Variants in TBC1D1 observed in about 807,000 individuals in gnomAD.
The protein encoded by TBC1D1 is TBC1 (tre-2/USP6, BUB2, cdc16) domain family, member 1.
Under a neutral mutation model 125.6 loss-of-function variants are expected in TBC1D1, and 89 were observed. That is an observed-to-expected ratio of 0.71 (90% CI 0.60 to 0.85). TBC1D1 has a LOEUF of 0.85. Ranked by LOEUF, TBC1D1 falls within the 40% of genes least tolerant of loss-of-function variation. The probability of loss-of-function intolerance (pLI) is 0.00; values close to 1 mark genes in which losing one functional copy is unlikely to be tolerated. For missense variants in TBC1D1, 1,377 were observed against 1,469.2 expected, an observed-to-expected ratio of 0.94 and a Z score of 1.03; for synonymous variants, 565 against 564.1, an observed-to-expected ratio of 1.00 and a Z score of -0.02.
intron 15 of TBC1D1, 73 bp from the exon 18 acceptor site, chr4:38,115,636 AC>A: frequency 6.7e-7 from 1 of 1,499,058 alleles, no homozygotes; most frequent in Non-Finnish European, 9.0e-7. Flanking sequence ...AATCTGAAGC[AC>A]ATTGGATTTC....
chr4:38,109,078 T>C (rs16994230), intron 15 of TBC1D1, among the ~76,000 whole-genome samples: 7,839 of 152,244 alleles, frequency 0.051, 496 homozygotes, highest in African/African-American at 0.15. Flanking sequence ...ATCTTTGAGT[T>C]GAAGTCCTGT....
chr4:38,087,158 A>G (rs1757623940), intron 12 of TBC1D1, among the ~76,000 whole-genome samples: 2 of 152,258 alleles, frequency 1.3e-5, no homozygotes, highest in Admixed American at 1.3e-4. Flanking sequence ...AATAAGAAAA[A>G]GATCACAAAA....
chr4:37,990,548 T>C (rs1371416078), intron 2 of TBC1D1, among the ~76,000 whole-genome samples: 1 of 152,194 alleles, frequency 6.6e-6, no homozygotes, highest in African/African-American at 2.4e-5. Flanking sequence ...AAGCATGAAA[T>C]ATTGCTAGTA....
chr4:38,033,051 C>T lies in TBC1D1; in HGVS notation c.1303-2537C>T, dbSNP rs548807664. ...GTATGATGTTTAACAAGCTCCATGA[C>T]GCAGTCTCTGATTCTTAATCAGTTT... On this transcript the variant is annotated intron_variant, in intron 7 of 19. Transcript: ENST00000261439. Among the ~76,000 whole-genome samples, 5 of 152,252 alleles carry T rather than the reference C, an allele frequency of 3.3e-5. No individual in the cohort carries two copies. In the South Asian group the frequency reaches 6.2e-4, roughly 19 times the overall value.
chr4:38,084,926 C>T (rs1005483547), intron 12 of TBC1D1, among the ~76,000 whole-genome samples: 5 of 152,164 alleles, frequency 3.3e-5, no homozygotes, highest in Non-Finnish European at 5.9e-5. Flanking sequence ...AGGAGAACTG[C>T]AGTTCAGAAC....
rs74385778 is a variant in TBC1D1 at position 37,920,040 on chromosome 4, G to A, written c.417+17528G>A. ...AGGCAGGAGAATGGCGTGAACCGGT[G>A]AGGCGGAGCTTGCAGTGAGCCGAGA... On this transcript the variant is annotated intron_variant, in intron 2 of 19. Transcript: ENST00000261439. 0.026 allele frequency among the ~76,000 whole-genome samples: 3,900 copies of A among 152,322 alleles called. 454 individuals are homozygous for A. The East Asian group carries it at 0.35, about 14-fold the overall frequency.
chr4:37,937,090 G>A (rs1724548780), intron 2 of TBC1D1, among the ~76,000 whole-genome samples: 1 of 152,182 alleles, frequency 6.6e-6, no homozygotes, highest in Non-Finnish European at 1.5e-5. Context: ...AGGGCAACAC[G>A]CTGGCACTGC....
chr4:37,973,991 C>T (rs1273226110), intron 2 of TBC1D1, among the ~76,000 whole-genome samples: 1 of 152,152 alleles, frequency 6.6e-6, no homozygotes, highest in Non-Finnish European at 1.5e-5. Context: ...GTGGACCACA[C>T]CTTGAATAGT....
At chr4:37,960,822 C>A (rs772147147) in intron 2 of TBC1D1, 4 of 1,614,094 alleles carry the variant, frequency 2.5e-6, no homozygotes, top group Non-Finnish European at 3.4e-6. Flanking sequence ...GAGTTTTGAC[C>A]TGCCTGAAGA....
intron 2 of TBC1D1, among the ~76,000 whole-genome samples, chr4:37,982,239 A>G (rs542107245): frequency 1.9e-4 from 29 of 152,322 alleles, no homozygotes; most frequent in African/African-American, 7.0e-4. Flanking sequence ...CTTCCTATGT[A>G]AGGTGTGAAT....
intron 15 of TBC1D1, chr4:38,110,611 T>C: frequency 2.0e-6 from 2 of 985,460 alleles, no homozygotes; most frequent in Non-Finnish European, 2.4e-6. Flanking sequence ...AATGTCTTTT[T>C]ATAAAGGGGT....
At chr4:37,934,759 A>G (rs1259738474) in intron 2 of TBC1D1, among the ~76,000 whole-genome samples, 1 of 152,116 alleles carries the variant, frequency 6.6e-6, no homozygotes, top group Non-Finnish European at 1.5e-5. Flanking sequence ...CACTTCTGTC[A>G]TTGACCCACT....
At chr4:38,116,090 G>A in intron 16 of TBC1D1, 136 bp downstream of exon 18, 3 of 923,106 alleles carry the variant, frequency 3.2e-6, no homozygotes, top group Admixed American at 2.6e-5. Context: ...AGGACTCTGT[G>A]CTAGGCATTA....
intron 2 of TBC1D1, among the ~76,000 whole-genome samples, chr4:38,012,912 G>A (rs765915289): frequency 5.3e-5 from 8 of 152,116 alleles, no homozygotes; most frequent in Admixed American, 1.3e-4. Flanking sequence ...TCCTGCCTCG[G>A]CCTCCCAAGT....
At chr4:38,104,904 C>T (rs1560799037) in intron 15 of TBC1D1, among the ~76,000 whole-genome samples, 1 of 151,988 alleles carries the variant, frequency 6.6e-6, no homozygotes. Context: ...TACAGGTGCC[C>T]GCCACCATGC....
At chr4:38,039,566 T>G (rs538745379) in intron 8 of TBC1D1, among the ~76,000 whole-genome samples, 1 of 152,218 alleles carries the variant, frequency 6.6e-6, no homozygotes, top group Admixed American at 6.5e-5. Flanking sequence ...CTTTTTGTTC[T>G]GTGGTATTAA....
At chr4:37,955,515 A>G (rs1728755886) in intron 2 of TBC1D1, among the ~76,000 whole-genome samples, 1 of 152,232 alleles carries the variant, frequency 6.6e-6, no homozygotes, top group Non-Finnish European at 1.5e-5. Flanking sequence ...AATGCTACAT[A>G]CATAGTGTTA....
At position 38,118,449 on chromosome 4, in the gene TBC1D1, C is replaced by T. The variant is rs1309323634; in HGVS notation, c.2962+257C>T. 6.7e-6 allele frequency: 3 copies of T among 450,074 alleles called. No individual in the cohort carries two copies. The South Asian group carries it at 8.4e-5, about 13-fold the overall frequency. The allele number at this position is 450,074 out of a possible 1,614,324, so 27.9% of individuals were successfully genotyped here. ...CGATCCGTGTAGATCCGATCGCTCA[C>T]CATGAGGGTCTCCCTAGAGCAGACA... is the stretch of plus-strand genomic sequence containing the variant. On this transcript the variant is annotated intron_variant, in intron 17 of 19. Transcript: ENST00000261439.
intron 2 of TBC1D1, among the ~76,000 whole-genome samples, chr4:37,935,266 C>A (rs1337838649): frequency 6.6e-6 from 1 of 152,196 alleles, no homozygotes; most frequent in Non-Finnish European, 1.5e-5. Context: ...AGGTTCCTTC[C>A]TCCAGCTCAG....
Sources: gnomAD v4.1 joint callset for allele counts (sites outside exome capture counted in the v4.1 genomes callset) on GRCh38, gnomAD v4.1.1 for gene constraint, MANE v1.5 for transcripts, NCBI Gene and HGNC (gene_info 2026-07-23, HGNC 2026-07-21) for gene names.